PRUNE2: variants seen among roughly 807,000 people sequenced by gnomAD.
PRUNE2 encodes prune homolog 2 with BCH domain, also known as protein prune homolog 2.
PRUNE2 carries 164 observed loss-of-function variants against 252.0 expected under a neutral mutation model. The ratio of observed to expected loss-of-function variants is 0.65; its 90% CI spans 0.57 to 0.74. PRUNE2 has a LOEUF of 0.74. Among genes scored for constraint, PRUNE2 ranks in the 30% least tolerant of loss-of-function variants. PRUNE2 has a pLI of 0.00. For missense variants in PRUNE2, 3,495 were observed against 3,711.0 expected, an observed-to-expected ratio of 0.94 and a Z score of 1.51; for synonymous variants, 1,292 against 1,350.2, an observed-to-expected ratio of 0.96 and a Z score of 0.94.
intron 6 of PRUNE2, among the ~76,000 whole-genome samples, chr9:76,750,709 G>A (rs1158896719): frequency 6.6e-6 from 1 of 152,174 alleles, no homozygotes; most frequent in Non-Finnish European, 1.5e-5. Context: ...CTGAACTAAG[G>A]CAGTCGCAGT....
chr9:76,870,600 G>A (rs965840027), intron 1 of PRUNE2, among the ~76,000 whole-genome samples: 10 of 151,736 alleles, frequency 6.6e-5, no homozygotes. Context: ...GCAGGAGAAT[G>A]GCGTGAACCC....
At chr9:76,796,071 T>G (rs915116396) in intron 6 of PRUNE2, among the ~76,000 whole-genome samples, 3 of 152,232 alleles carry the variant, frequency 2.0e-5, no homozygotes, top group Non-Finnish European at 4.4e-5. Flanking sequence ...AATGTTTAAA[T>G]CAAGTTTGTG....
At chr9:76,767,652 C>T (rs2052562379) in intron 6 of PRUNE2, among the ~76,000 whole-genome samples, 1 of 152,130 alleles carries the variant, frequency 6.6e-6, no homozygotes, top group Non-Finnish European at 1.5e-5. Flanking sequence ...TTCCTCCTCC[C>T]CTAACAGGAG....
At chr9:76,702,152 C>T (rs936523831) in intron 9 of PRUNE2, among the ~76,000 whole-genome samples, 7 of 151,878 alleles carry the variant, frequency 4.6e-5, no homozygotes, top group African/African-American at 1.7e-4. Context: ...CTCCACCTCC[C>T]AGGTTCAAGC....
chr9:76,811,114 T>G (rs1301842184), intron 6 of PRUNE2, among the ~76,000 whole-genome samples: 1 of 152,206 alleles, frequency 6.6e-6, no homozygotes, highest in Non-Finnish European at 1.5e-5. Context: ...AAAACTGGTC[T>G]GAGCACATTC....
chr9:76,644,665 TAG>T, intron 12 of PRUNE2, 72 bp downstream of exon 12: 1 of 1,426,780 alleles, frequency 7.0e-7, no homozygotes, highest in Non-Finnish European at 9.9e-7. Context: ...CGGAGAAGTC[TAG>T]ACTCACTTCA....
At chr9:76,767,661 A>G (rs1264023896) in intron 6 of PRUNE2, among the ~76,000 whole-genome samples, 3 of 152,074 alleles carry the variant, frequency 2.0e-5, no homozygotes, top group Admixed American at 6.6e-5. Context: ...CCCTAACAGG[A>G]GGCACCTTAA....
chr9:76,677,263 G>A (rs1022648187), intron 9 of PRUNE2, among the ~76,000 whole-genome samples: 3 of 151,252 alleles, frequency 2.0e-5, no homozygotes, highest in African/African-American at 7.3e-5. Context: ...TTCAGTTTTG[G>A]ATTTTTTAAA....
chr9:76,693,757 A>C (rs1202237817), intron 9 of PRUNE2, among the ~76,000 whole-genome samples: 1 of 152,072 alleles, frequency 6.6e-6, no homozygotes, highest in Admixed American at 6.6e-5. Flanking sequence ...TCCTATTCTT[A>C]TGGTAAGAAA....
At chr9:76,750,405 C>T (rs1450061837) in intron 6 of PRUNE2, among the ~76,000 whole-genome samples, 2 of 152,128 alleles carry the variant, frequency 1.3e-5, no homozygotes, top group Admixed American at 1.3e-4. Context: ...TTACAGAACA[C>T]CCAATTGTTG....
chr9:76,761,712 A>C (rs1363913168), intron 6 of PRUNE2, among the ~76,000 whole-genome samples: 1 of 152,236 alleles, frequency 6.6e-6, no homozygotes, highest in Non-Finnish European at 1.5e-5. Flanking sequence ...CATAATTTTC[A>C]CCAAATAATT....
chr9:76,642,599 A>G (rs981307038), intron 12 of PRUNE2, among the ~76,000 whole-genome samples: 1 of 152,170 alleles, frequency 6.6e-6, no homozygotes, highest in African/African-American at 2.4e-5. Context: ...TCAAGCACCA[A>G]ATAAGATTCA....
intron 6 of PRUNE2, among the ~76,000 whole-genome samples, chr9:76,776,482 C>A (rs1295222396): frequency 1.3e-5 from 2 of 149,382 alleles, no homozygotes; most frequent in Non-Finnish European, 1.5e-5. Flanking sequence ...TCACGGTATA[C>A]ATTTACACCA....
chr9:76,854,367 T>C (rs76389179), intron 1 of PRUNE2, among the ~76,000 whole-genome samples, 159 bp from the exon 2 acceptor site: 5,031 of 152,332 alleles, frequency 0.033, 124 homozygotes, highest in Non-Finnish European at 0.048. Flanking sequence ...ATAAAAATTG[T>C]ACAAAGTGTT....
In PRUNE2 at chr9:76,644,753, ACT is replaced by A; in HGVS notation, c.8712_8713del (p.Arg2904SerfsTer52). Reference sequence around the variant, plus strand: ...AGCTCGACTACCTCCGTGAGAAATGACTCTCCTGTAGGGCTCGATGACCTTCA... The same window carrying A: ...AGCTCGACTACCTCCGTGAGAAATGACTCCTGTAGGGCTCGATGACCTTCA... On this transcript the variant is annotated frameshift_variant, in exon 12 of 19. Coordinates refer to ENST00000376718, the MANE Select transcript of PRUNE2 (RefSeq NM_015225.3). LOFTEE classifies it high-confidence loss of function. 1 of 1,611,762 alleles carries A rather than the reference ACT, an allele frequency of 6.2e-7. No individual in the cohort carries two copies. Among genetic ancestry groups the A allele is most frequent in the Non-Finnish European group, 8.5e-7 (1 of 1,179,122 alleles).
intron 11 of PRUNE2, among the ~76,000 whole-genome samples, chr9:76,648,427 C>A (rs1431887505): frequency 6.6e-6 from 1 of 152,152 alleles, no homozygotes; most frequent in East Asian, 1.9e-4. Flanking sequence ...AGACGTCCTT[C>A]AGTAGGTGAA....
At chr9:76,860,102 GCATAGCTGAGT>G (rs1251844244) in intron 1 of PRUNE2, among the ~76,000 whole-genome samples, 1 of 152,178 alleles carries the variant, frequency 6.6e-6, no homozygotes, top group Non-Finnish European at 1.5e-5. Context: ...AACTGTCTTT[GCATAGCTGAGT>G]CAGTTTCCGG....
chr9:76,716,962 C>T (rs1341103637), intron 6 of PRUNE2, among the ~76,000 whole-genome samples: 1 of 152,144 alleles, frequency 6.6e-6, no homozygotes, highest in Non-Finnish European at 1.5e-5. Context: ...CTTCCAGCTT[C>T]ATCCATGTCC....
At chr9:76,742,613 T>C (rs1295301742) in intron 6 of PRUNE2, among the ~76,000 whole-genome samples, 1 of 148,742 alleles carries the variant, frequency 6.7e-6, no homozygotes, top group African/African-American at 2.5e-5. Flanking sequence ...GTGAAACCTA[T>C]CTCAAAAAAA....
Sources: gnomAD v4.1 joint callset for allele counts (sites outside exome capture counted in the v4.1 genomes callset) on GRCh38, gnomAD v4.1.1 for gene constraint, MANE v1.5 for transcripts, NCBI Gene and HGNC (gene_info 2026-07-23, HGNC 2026-07-21) for gene names.